Variants in COL4A5 observed in about 807,000 individuals in gnomAD.
The protein encoded by COL4A5 is collagen alpha-5(IV) chain.
In COL4A5, 26 loss-of-function variants were observed where a neutral mutation model predicts 130.2. That is an observed-to-expected ratio of 0.20 (90% CI 0.15 to 0.28). COL4A5 has a LOEUF of 0.28. Ranked by LOEUF, COL4A5 falls within the 10% of genes least tolerant of loss-of-function variation. The pLI, the probability that COL4A5 is intolerant of heterozygous loss-of-function variation, is 1.00. For synonymous variants in COL4A5, 496 were observed against 439.6 expected, an observed-to-expected ratio of 1.13 and a Z score of -1.60; for missense variants, 1,131 against 1,344.3, an observed-to-expected ratio of 0.84 and a Z score of 2.48.
chrX:108,496,317 A>G (rs7060333), intron 1 of COL4A5, among the ~76,000 whole-genome samples: 11,603 of 111,395 alleles, frequency 0.1, 1,299 homozygotes, highest in African/African-American at 0.34. Flanking sequence ...ACTTTGACTC[A>G]TATGTTAATA....
intron 46 of COL4A5, among the ~76,000 whole-genome samples, chrX:108,681,169 T>C (rs1325595322): frequency 3.6e-5 from 4 of 111,420 alleles, no homozygotes; most frequent in Non-Finnish European, 5.6e-5. Flanking sequence ...TTAAGATAAA[T>C]GCAGGATCAA....
intron 34 of COL4A5, among the ~76,000 whole-genome samples, chrX:108,625,379 G>C (rs1463498229): frequency 8.9e-6 from 1 of 112,337 alleles, no homozygotes; most frequent in Non-Finnish European, 1.9e-5. Flanking sequence ...GGATTTATCT[G>C]TGAAAATACA....
intron 2 of COL4A5, among the ~76,000 whole-genome samples, chrX:108,557,226 T>G (rs2065835492): frequency 9.0e-6 from 1 of 111,430 alleles, no homozygotes; most frequent in African/African-American, 3.3e-5. Flanking sequence ...TCTTTCTGAC[T>G]GAAACTTGTG....
chrX:108,624,559 C>T (rs1569498693), intron 34 of COL4A5, among the ~76,000 whole-genome samples: 2 of 112,000 alleles, frequency 1.8e-5, no homozygotes, highest in African/African-American at 6.5e-5. Flanking sequence ...TCAGTTTCTT[C>T]TTTTTGTGGC....
chrX:108,669,189 G>A (rs1444088618), intron 41 of COL4A5, among the ~76,000 whole-genome samples: 2 of 111,291 alleles, frequency 1.8e-5, no homozygotes, highest in African/African-American at 6.5e-5. Flanking sequence ...TACTAATTTT[G>A]GAAATGCTCG....
chrX:108,639,838 A>G (rs2067426206), intron 36 of COL4A5, among the ~76,000 whole-genome samples: 1 of 112,129 alleles, frequency 8.9e-6, no homozygotes, highest in African/African-American at 3.2e-5. Context: ...ACAGTGAGAT[A>G]ACACTTCATA....
chrX:108,601,303 C>T, intron 25 of COL4A5, 90 bp from the exon 26 acceptor site: 1 of 572,305 alleles, frequency 1.7e-6, no homozygotes, highest in Non-Finnish European at 2.9e-6. Context: ...CAAAAGATTG[C>T]TGATAATTTT....
At chrX:108,624,165 T>C in intron 33 of COL4A5, 71 bp from the exon 34 acceptor site, 1 of 865,973 alleles carries the variant, frequency 1.2e-6, no homozygotes, top group Non-Finnish European at 1.7e-6. Context: ...CTTGAGTAGC[T>C]TGCTTTGCCA....
chrX:108,560,203 T>C (rs2065880722), intron 3 of COL4A5, among the ~76,000 whole-genome samples: 1 of 112,038 alleles, frequency 8.9e-6, no homozygotes, highest in African/African-American at 3.2e-5. Context: ...GCCCCAGCTA[T>C]TGCCAAGCCA....
At chrX:108,529,797 T>TAA (rs748133618) in intron 1 of COL4A5, among the ~76,000 whole-genome samples, 2 of 103,846 alleles carry the variant, frequency 1.9e-5, no homozygotes, top group Non-Finnish European at 4.0e-5. Context: ...CAAGAACAGT[T>TAA]AAAAAAAAAA....
chrX:108,626,143 T>C, intron 35 of COL4A5, 67 bp from the exon 36 acceptor site: 1 of 1,072,538 alleles, frequency 9.3e-7, no homozygotes, highest in Non-Finnish European at 1.3e-6. Context: ...CTTTGTCATA[T>C]GCATCTTAGA....
At chrX:108,445,335 T>C (rs17003927) in intron 1 of COL4A5, among the ~76,000 whole-genome samples, 11,595 of 111,570 alleles carry the variant, frequency 0.1, 1,304 homozygotes, top group African/African-American at 0.34. Flanking sequence ...TTTTGTGGAT[T>C]CAAGTCTTTG....
chrX:108,466,137 C>T (rs1029401428), intron 1 of COL4A5, among the ~76,000 whole-genome samples: 3 of 111,014 alleles, frequency 2.7e-5, no homozygotes, highest in East Asian at 5.6e-4. Flanking sequence ...TTTGCTTATT[C>T]GTTCATCCAT....
Position 108,668,485 on chromosome X carries a change from A to C in COL4A5, c.3771A>C (p.Gln1257His), listed in dbSNP as rs148046007. 5.0e-6 allele frequency: 6 copies of C among 1,191,884 alleles called. No individual in the cohort carries two copies. The Admixed American group carries it at 1.1e-4, about 23-fold the overall frequency. The change falls in exon 41 of 53, where the codon CAA becomes CAC. Residue 1257 changes from glutamine to histidine, a missense_variant. Coordinates refer to ENST00000328300, the MANE Select transcript of COL4A5 (RefSeq NM_033380.3). Reference sequence around the variant, plus strand: ...GACCTAAAGGCAACCCTGGGCCCCAAGGTCCTCCTGGGAGACCAGGTATGT... The same window carrying C: ...GACCTAAAGGCAACCCTGGGCCCCACGGTCCTCCTGGGAGACCAGGTATGT... ...LEGPKGNPGP[Q>H]GPPGRPGPTG...
At chrX:108,440,482 A>G (rs1465276629) in intron 1 of COL4A5, 9 of 361,379 alleles carry the variant, frequency 2.5e-5, no homozygotes, top group Non-Finnish European at 4.3e-5. Context: ...GGGGGACGCT[A>G]ATTAAAGGCT....
chrX:108,485,017 A>G (rs780079135), intron 1 of COL4A5, among the ~76,000 whole-genome samples: 5 of 112,193 alleles, frequency 4.5e-5, no homozygotes, highest in African/African-American at 6.5e-5. Flanking sequence ...TCCATGAGGC[A>G]TAGTCTTTCC....
intron 1 of COL4A5, among the ~76,000 whole-genome samples, chrX:108,522,826 T>C (rs1001110784): frequency 9.3e-6 from 1 of 108,099 alleles, no homozygotes; most frequent in African/African-American, 3.4e-5. Flanking sequence ...TTACTTGTAC[T>C]GTTGCTATAA....
At chrX:108,504,194 A>C (rs1374955788) in intron 1 of COL4A5, among the ~76,000 whole-genome samples, 1 of 111,903 alleles carries the variant, frequency 8.9e-6, no homozygotes, top group African/African-American at 3.2e-5. Context: ...ATGTAGAAGA[A>C]TGAAACTGGA....
intron 9 of COL4A5, 42 bp downstream of exon 9, chrX:108,573,696 A>G (rs760757289): frequency 2.2e-6 from 2 of 909,006 alleles, no homozygotes; most frequent in East Asian, 6.2e-5. Context: ...TATTGATTAA[A>G]CCAGAAGATT....
Sources: gnomAD v4.1 joint callset for allele counts (sites outside exome capture counted in the v4.1 genomes callset) on GRCh38, gnomAD v4.1.1 for gene constraint, MANE v1.5 for transcripts, NCBI Gene and HGNC (gene_info 2026-07-23, HGNC 2026-07-21) for gene names.